DLGAP2: variants seen among roughly 807,000 people sequenced by gnomAD.
DLGAP2 encodes disks large-associated protein 2.
A neutral mutation model predicts 100.3 loss-of-function variants in DLGAP2; 26 were observed. The ratio of observed to expected loss-of-function variants is 0.26; its 90% CI spans 0.19 to 0.36. The LOEUF (loss-of-function observed/expected upper bound fraction) is 0.36. Among genes scored for constraint, DLGAP2 ranks in the 10% least tolerant of loss-of-function variants. The pLI, the probability that DLGAP2 is intolerant of heterozygous loss-of-function variation, is 1.00. For missense variants in DLGAP2, 1,858 were observed against 1,453.2 expected, an observed-to-expected ratio of 1.28 and a Z score of -4.53; for synonymous variants, 886 against 630.1, an observed-to-expected ratio of 1.41 and a Z score of -6.08.
intron 6 of DLGAP2, among the ~76,000 whole-genome samples, chr8:1,578,290 A>G (rs1347008048): frequency 2.0e-5 from 3 of 152,188 alleles, no homozygotes; most frequent in Non-Finnish European, 4.4e-5. Context: ...TTAAGAATGC[A>G]AATGTTATGG....
chr8:912,905 T>G (rs1007121770), intron 2 of DLGAP2, among the ~76,000 whole-genome samples: 2 of 152,204 alleles, frequency 1.3e-5, no homozygotes, highest in Non-Finnish European at 2.9e-5. Flanking sequence ...CGCACTGTGG[T>G]GCCCGCCTTC....
chr8:940,905 C>G (rs1799181526), intron 2 of DLGAP2, among the ~76,000 whole-genome samples: 1 of 152,112 alleles, frequency 6.6e-6, no homozygotes, highest in Admixed American at 6.5e-5. Flanking sequence ...CCAGGAGTCA[C>G]CAGCCCTGAG....
At chr8:1,297,950 G>C (rs866044932) in intron 3 of DLGAP2, among the ~76,000 whole-genome samples, 1 of 44,380 alleles carries the variant, frequency 2.3e-5, no homozygotes. Context: ...TGGCAGGCGT[G>C]AACAGACACC....
At chr8:752,151 C>T (rs987883666) in intron 1 of DLGAP2, among the ~76,000 whole-genome samples, 1 of 152,202 alleles carries the variant, frequency 6.6e-6, no homozygotes, top group African/African-American at 2.4e-5. Flanking sequence ...CCCCTTCTCC[C>T]TTCCCTGTGC....
intron 8 of DLGAP2, among the ~76,000 whole-genome samples, chr8:1,647,690 C>G (rs1411415679): frequency 6.6e-6 from 1 of 152,120 alleles, no homozygotes; most frequent in African/African-American, 2.4e-5. Context: ...ACCACCCTCC[C>G]CACGCTTGAG....
chr8:1,355,097 A>G (rs1284851038), intron 3 of DLGAP2, among the ~76,000 whole-genome samples: 1 of 152,140 alleles, frequency 6.6e-6, no homozygotes, highest in East Asian at 1.9e-4. Flanking sequence ...GATTCTGTGG[A>G]TGAAGGTGGA....
At chr8:1,543,492 C>T (rs942380266) in intron 4 of DLGAP2, among the ~76,000 whole-genome samples, 6 of 152,212 alleles carry the variant, frequency 3.9e-5, no homozygotes, top group South Asian at 2.1e-4. Flanking sequence ...AAAAGTATCA[C>T]ATGTGCAGGT....
At chr8:1,335,581 G>C (rs758156027) in intron 3 of DLGAP2, among the ~76,000 whole-genome samples, 1 of 152,190 alleles carries the variant, frequency 6.6e-6, no homozygotes, top group Non-Finnish European at 1.5e-5. Context: ...GTAGGGCAGG[G>C]TGCGGTGCTG....
intron 1 of DLGAP2, among the ~76,000 whole-genome samples, chr8:780,566 C>A (rs62485580): frequency 0.21 from 31,636 of 152,176 alleles, 4,238 homozygotes; most frequent in Non-Finnish European, 0.3. Context: ...CACAGCATTT[C>A]ACTAATTTAC....
intron 2 of DLGAP2, among the ~76,000 whole-genome samples, chr8:1,230,230 TGA>T (rs1388871123): frequency 1.3e-5 from 2 of 152,142 alleles, no homozygotes; most frequent in African/African-American, 4.8e-5. Context: ...AAGTTCAAAC[TGA>T]GAGCCAAATC....
chr8:1,459,340 T>G (rs1215305551), intron 3 of DLGAP2, among the ~76,000 whole-genome samples: 1 of 152,218 alleles, frequency 6.6e-6, no homozygotes, highest in Non-Finnish European at 1.5e-5. Context: ...CTGGTTTACA[T>G]GCATAGGCCC....
At chr8:1,363,258 G>C (rs187507902) in intron 3 of DLGAP2, among the ~76,000 whole-genome samples, 1 of 152,158 alleles carries the variant, frequency 6.6e-6, no homozygotes, top group South Asian at 2.1e-4. Context: ...TCCCGAAAGC[G>C]CCCCCACGCC....
intron 1 of DLGAP2, among the ~76,000 whole-genome samples, chr8:802,679 G>A (rs1158480958): frequency 6.6e-6 from 1 of 151,982 alleles, no homozygotes; most frequent in Non-Finnish European, 1.5e-5. Flanking sequence ...TCCCTTGATC[G>A]CCGCCCTGCA....
Position 994,820 on chromosome 8 carries a change from CAGACGAAG to C in DLGAP2, c.73+86857_73+86864del, listed in dbSNP as rs370420970. ...GTGTGATTCAAGTTCCATATCACAG[CAGACGAAG>C]AGTCATTCAGCTCCAGTTTACGGAC... On this transcript the variant is annotated intron_variant, in intron 2 of 14. Transcript: ENST00000637795. Among the ~76,000 whole-genome samples, 4 of 152,294 alleles carry C rather than the reference CAGACGAAG, an allele frequency of 2.6e-5. No homozygotes were observed. In the East Asian group the frequency reaches 7.7e-4, roughly 29 times the overall value.
At chr8:804,229 C>T (rs1796224528) in intron 1 of DLGAP2, among the ~76,000 whole-genome samples, 1 of 152,086 alleles carries the variant, frequency 6.6e-6, no homozygotes, top group Non-Finnish European at 1.5e-5. Flanking sequence ...TAGATTTTTC[C>T]TTGAAGTCTA....
intron 9 of DLGAP2, among the ~76,000 whole-genome samples, chr8:1,669,533 T>G (rs1450302911): frequency 6.6e-6 from 1 of 152,218 alleles, no homozygotes; most frequent in Non-Finnish European, 1.5e-5. Flanking sequence ...TTTTACCCCT[T>G]CATTCAGCCT....
chr8:823,065 A>G (rs781103385), intron 1 of DLGAP2, among the ~76,000 whole-genome samples: 8 of 151,808 alleles, frequency 5.3e-5, no homozygotes, highest in Admixed American at 2.0e-4. Context: ...AGGGGGGGCC[A>G]TGTTGCTGCC....
At chr8:1,551,261 A>G (rs1434635821) in intron 5 of DLGAP2, among the ~76,000 whole-genome samples, 1 of 152,232 alleles carries the variant, frequency 6.6e-6, no homozygotes, top group East Asian at 1.9e-4. Context: ...CTGCTTGTTT[A>G]GAGAAGCCTG....
intron 1 of DLGAP2, among the ~76,000 whole-genome samples, chr8:900,151 C>G (rs1798220889): frequency 6.6e-6 from 1 of 151,796 alleles, no homozygotes; most frequent in Non-Finnish European, 1.5e-5. Context: ...TGGTGCCCTG[C>G]TCTTCACGGC....
Sources: gnomAD v4.1 joint callset for allele counts (sites outside exome capture counted in the v4.1 genomes callset) on GRCh38, gnomAD v4.1.1 for gene constraint, MANE v1.5 for transcripts, NCBI Gene and HGNC (gene_info 2026-07-23, HGNC 2026-07-21) for gene names.